Variants in MYO1D observed in about 807,000 individuals in gnomAD.
MYO1D encodes myosin ID, also known as unconventional myosin-Id.
MYO1D carries 83 observed loss-of-function variants against 122.0 expected under a neutral mutation model. The observed-to-expected ratio is 0.68, with a 90% CI of 0.57 to 0.82. The LOEUF (loss-of-function observed/expected upper bound fraction) is 0.82, where lower values mean the gene tolerates loss of function less well. Ranked by LOEUF, MYO1D falls within the 40% of genes least tolerant of loss-of-function variation. The pLI, the probability that MYO1D is intolerant of heterozygous loss-of-function variation, is 0.00. For missense variants in MYO1D, 1,157 were observed against 1,269.5 expected (o/e 0.91, Z 1.35); for synonymous variants, 464 against 446.9 (o/e 1.04, Z -0.48).
At chr17:32,867,932 A>T (rs2091143473) in intron 1 of MYO1D, among the ~76,000 whole-genome samples, 1 of 151,862 alleles carries the variant, frequency 6.6e-6, no homozygotes, top group Non-Finnish European at 1.5e-5. Context: ...ACAAAAAAAA[A>T]ACTCTAGACT....
intron 21 of MYO1D, among the ~76,000 whole-genome samples, chr17:32,579,985 T>G (rs901273215): frequency 6.6e-6 from 1 of 152,306 alleles, no homozygotes; most frequent in Non-Finnish European, 1.5e-5. Flanking sequence ...TGTGTTTATT[T>G]CCCCTAGATA....
chr17:32,722,915 C>T (rs1017482049), intron 14 of MYO1D, among the ~76,000 whole-genome samples: 3 of 152,034 alleles, frequency 2.0e-5, no homozygotes, highest in African/African-American at 4.8e-5. Flanking sequence ...CCAGAAAACT[C>T]CGTCATGTGC....
At chr17:32,840,572 T>C (rs757890836) in intron 1 of MYO1D, among the ~76,000 whole-genome samples, 2 of 152,238 alleles carry the variant, frequency 1.3e-5, no homozygotes, top group Non-Finnish European at 2.9e-5. Context: ...GCCTTTTGGC[T>C]ATAATTCATT....
chr17:32,581,969 T>A (rs1597910477), intron 21 of MYO1D, among the ~76,000 whole-genome samples: 1 of 152,210 alleles, frequency 6.6e-6, no homozygotes, highest in African/African-American at 2.4e-5. Context: ...TTCACCATGT[T>A]GGCCAGGCTG....
chr17:32,594,432 C>T (rs927731632), intron 21 of MYO1D: 6 of 448,708 alleles, frequency 1.3e-5, no homozygotes, highest in Non-Finnish European at 2.4e-5. Flanking sequence ...TTCCTTACTT[C>T]ATTCAAATAA....
chr17:32,874,663 C>T (rs114016265), intron 1 of MYO1D, among the ~76,000 whole-genome samples: 2,125 of 152,188 alleles, frequency 0.014, 45 homozygotes, highest in African/African-American at 0.047. Context: ...TGGCTCACAC[C>T]TATAATCCTA....
At chr17:32,758,490 G>C (rs2089969719) in intron 10 of MYO1D, among the ~76,000 whole-genome samples, 1 of 152,070 alleles carries the variant, frequency 6.6e-6, no homozygotes, top group African/African-American at 2.4e-5. Flanking sequence ...AACTCTCTTA[G>C]AGAAATACAT....
At chr17:32,671,310 G>A (rs1030265067) in intron 16 of MYO1D, among the ~76,000 whole-genome samples, 3 of 152,170 alleles carry the variant, frequency 2.0e-5, no homozygotes, top group African/African-American at 7.2e-5. Context: ...GCTCGCCCAC[G>A]TGCTCCCTCC....
Position 32,620,286 on chromosome 17 carries a change from C to T in MYO1D, c.2710-15045G>A, listed in dbSNP as rs538323526. ...GGGTCAGGAGAGGGGTACCTCTTTA[C>T]TGCCAGGTGAGGGTGGAGGGCTAGG... On this transcript the variant is annotated intron_variant, in intron 20 of 21. Transcript: ENST00000318217. 4.6e-5 allele frequency among the ~76,000 whole-genome samples: 7 copies of T among 152,322 alleles called. No homozygotes were observed. The South Asian group carries it at 1.5e-3, about 32-fold the overall frequency.
intron 21 of MYO1D, among the ~76,000 whole-genome samples, chr17:32,564,387 G>A (rs2087153365): frequency 6.6e-6 from 1 of 152,174 alleles, no homozygotes. Context: ...ATCTTGGTCA[G>A]CATGTGGTCC....
chr17:32,513,788 G>A (rs916873903), intron 21 of MYO1D, among the ~76,000 whole-genome samples: 15 of 151,852 alleles, frequency 9.9e-5, no homozygotes, highest in African/African-American at 3.4e-4. Context: ...CAGCAACCTG[G>A]CTGTCATTCT....
chr17:32,871,715 G>A (rs537223875), intron 1 of MYO1D, among the ~76,000 whole-genome samples: 2 of 152,362 alleles, frequency 1.3e-5, no homozygotes, highest in East Asian at 3.9e-4. Context: ...GTCCACTCCT[G>A]AGCAGTAGCC....
At chr17:32,696,054 G>A (rs1441107565) in intron 16 of MYO1D, among the ~76,000 whole-genome samples, 2 of 152,110 alleles carry the variant, frequency 1.3e-5, no homozygotes, top group African/African-American at 2.4e-5. Context: ...TATATCACAT[G>A]TGATGACATC....
At chr17:32,775,056 T>C (rs1320726412) in intron 4 of MYO1D, among the ~76,000 whole-genome samples, 1 of 152,122 alleles carries the variant, frequency 6.6e-6, no homozygotes, top group East Asian at 1.9e-4. Context: ...ATCCCAGCAC[T>C]TTGGGAGACT....
intron 16 of MYO1D, among the ~76,000 whole-genome samples, chr17:32,707,247 G>A (rs1284098713): frequency 6.6e-6 from 1 of 151,918 alleles, no homozygotes; most frequent in African/African-American, 2.4e-5. Flanking sequence ...AGTCACAAGA[G>A]AGGCAATCCA....
At chr17:32,810,689 C>T (rs2090563414) in intron 1 of MYO1D, among the ~76,000 whole-genome samples, 1 of 152,072 alleles carries the variant, frequency 6.6e-6, no homozygotes, top group Non-Finnish European at 1.5e-5. Context: ...GTTGGCCAGG[C>T]TGGTTTCGAA....
At chr17:32,844,486 T>C (rs1386519915) in intron 1 of MYO1D, among the ~76,000 whole-genome samples, 2 of 149,732 alleles carry the variant, frequency 1.3e-5, no homozygotes, top group African/African-American at 4.9e-5. Context: ...TTTGAGAGGC[T>C]GAGACAGGAG....
At chr17:32,595,801 G>T (rs1164771065) in intron 21 of MYO1D, among the ~76,000 whole-genome samples, 1 of 152,158 alleles carries the variant, frequency 6.6e-6, no homozygotes, top group African/African-American at 2.4e-5. Flanking sequence ...CAATACACAA[G>T]TAAAGATACA....
chr17:32,857,814 C>T lies in MYO1D; in HGVS notation c.95+18964G>A, dbSNP rs1043917107. On this transcript the variant is annotated intron_variant, in intron 1 of 21. Coordinates refer to ENST00000318217, the MANE Select transcript of MYO1D (RefSeq NM_015194.3). ...AGCTCAGACTCCTCAGAAATTTTCT[C>T]CACATGTGAACTGTAGAATATTGCT... 7.2e-5 allele frequency among the ~76,000 whole-genome samples: 11 copies of T among 152,292 alleles called. 1 individual carries two copies. In the South Asian group the frequency reaches 2.1e-3, roughly 29 times the overall value.
Sources: allele counts gnomAD v4.1 joint callset (sites outside exome capture counted in the v4.1 genomes callset), GRCh38; gene constraint gnomAD v4.1.1; transcripts MANE v1.5; gene names NCBI Gene and HGNC (gene_info 2026-07-23, HGNC 2026-07-21).